The following EPS8 variants were observed in gnomAD, a reference collection of about 807,000 sequenced individuals.
EPS8 encodes the protein epidermal growth factor receptor kinase substrate 8.
EPS8 carries 42 observed loss-of-function variants against 103.8 expected under a neutral mutation model. That is an observed-to-expected ratio of 0.40 (90% CI 0.32 to 0.52). The LOEUF (loss-of-function observed/expected upper bound fraction) is 0.52. Ranked by LOEUF, EPS8 falls within the 20% of genes least tolerant of loss-of-function variation. The pLI is 0.40. For synonymous variants in EPS8, 344 were observed against 344.6 expected, an observed-to-expected ratio of 1.00 and a Z score of 0.02; for missense variants, 969 against 1,005.1, an observed-to-expected ratio of 0.96 and a Z score of 0.49.
At chr12:15,699,894 G>A (rs372117585) in intron 1 of EPS8, among the ~76,000 whole-genome samples, 2 of 152,130 alleles carry the variant, frequency 1.3e-5, no homozygotes, top group Admixed American at 6.6e-5. Flanking sequence ...GGTGGCTCAC[G>A]CCTGTAATGC....
intron 1 of EPS8, among the ~76,000 whole-genome samples, chr12:15,740,935 G>A (rs1946815035): frequency 6.6e-6 from 1 of 152,118 alleles, no homozygotes; most frequent in African/African-American, 2.4e-5. Flanking sequence ...TTAAAAAATG[G>A]TGCTTTTAGT....
Position 15,733,951 on chromosome 12 carries a change from T to C in EPS8, c.-21-50979A>G, listed in dbSNP as rs1343634891. 6.6e-6 allele frequency among the ~76,000 whole-genome samples: 1 copy of C among 152,128 alleles called. No individual in the cohort carries two copies. The highest frequency in any genetic ancestry group is 1.9e-4 in the East Asian group (1 of 5,176). On this transcript the variant is annotated intron_variant, in intron 1 of 20. Transcript: ENST00000281172. This position sits in a 1 kb window ranked among gnomAD's most constrained non-coding sequence, Gnocchi z 4.8. ...TCAGCTCACTGCAGCCTTCACCTCCTGGACTCAAGTGATCCTCCCACCTCA... is the reference window on the plus strand; with the variant it reads ...TCAGCTCACTGCAGCCTTCACCTCCCGGACTCAAGTGATCCTCCCACCTCA...
At position 15,762,596 on chromosome 12, in the gene EPS8, A is replaced by G. The variant is rs1354285994; in HGVS notation, c.-22+26565T>C. 5.9e-5 allele frequency among the ~76,000 whole-genome samples: 9 copies of G among 152,214 alleles called. No homozygotes were observed. The highest frequency in any genetic ancestry group is 5.9e-4 in the Admixed American group (9 of 15,268). On this transcript the variant is annotated intron_variant, in intron 1 of 20. Coordinates refer to ENST00000281172, the MANE Select transcript of EPS8 (RefSeq NM_004447.6). The surrounding 1 kb of genome is among the most constrained non-coding windows in gnomAD (Gnocchi z 4.8). ...TGGTACTTATACACAATGGAGTACTATTCATAAAATGAATCCTGTCATTTG... is the reference window on the plus strand; with the variant it reads ...TGGTACTTATACACAATGGAGTACTGTTCATAAAATGAATCCTGTCATTTG...
intron 17 of EPS8, among the ~76,000 whole-genome samples, chr12:15,640,289 A>C (rs1379826048): frequency 6.6e-6 from 1 of 152,230 alleles, no homozygotes; most frequent in Non-Finnish European, 1.5e-5. Flanking sequence ...AGAACATTTA[A>C]GAGACTGAAA....
chr12:15,674,531 C>T (rs1163778453), intron 3 of EPS8, among the ~76,000 whole-genome samples: 2 of 152,150 alleles, frequency 1.3e-5, no homozygotes, highest in African/African-American at 2.4e-5. Flanking sequence ...CAGGCAACTA[C>T]AATCACAGCT....
rs1316968027 is a variant in EPS8, at chr12:15,784,487, A to G, written c.-22+4674T>C. ...GGTAAAATCCAAAAAAGCTGACAAA[A>G]TCAAATGCTAGCAAAGATGTGGGGC... is the stretch of plus-strand genomic sequence containing the variant. On this transcript the variant is annotated intron_variant, in intron 1 of 20. Transcript: ENST00000281172. This position sits in a 1 kb window ranked among gnomAD's most constrained non-coding sequence, Gnocchi z 4.0. 6.6e-6 allele frequency among the ~76,000 whole-genome samples: 1 copy of G among 152,172 alleles called. No individual in the cohort carries two copies. The highest frequency in any genetic ancestry group is 2.4e-5 in the African/African-American group (1 of 41,458).
At position 15,781,122 on chromosome 12, in the gene EPS8, T is replaced by C. The variant is rs1275182298; in HGVS notation, c.-22+8039A>G. Among the ~76,000 whole-genome samples the C allele has an allele frequency of 3.3e-5, 5 of 152,228 alleles. No individual in the cohort carries two copies. Among genetic ancestry groups the C allele is most frequent in the Admixed American group, 6.5e-5 (1 of 15,290 alleles). ...TCTAATTCCCCACAAATGTTTCTTT[T>C]TAAAAGATCCTCATTCTTTAAAACA... On this transcript the variant is annotated intron_variant, in intron 1 of 20. Transcript: ENST00000281172. This position sits in a 1 kb window ranked among gnomAD's most constrained non-coding sequence, Gnocchi z 4.1.
chr12:15,671,236 T>TA (rs1362674869), intron 3 of EPS8, among the ~76,000 whole-genome samples: 1 of 152,144 alleles, frequency 6.6e-6, no homozygotes, highest in Non-Finnish European at 1.5e-5. Context: ...GTCAGGGACC[T>TA]ACTGTTTGAC....
At position 15,717,580 on chromosome 12, in the gene EPS8, C is replaced by T. The variant is rs1946546620; in HGVS notation, c.-21-34608G>A. On this transcript the variant is annotated intron_variant, in intron 1 of 20. Coordinates refer to ENST00000281172, the MANE Select transcript of EPS8 (RefSeq NM_004447.6). This position sits in a 1 kb window ranked among gnomAD's most constrained non-coding sequence, Gnocchi z 4.3. Reference sequence around the variant, plus strand: ...CCAGCCTGGGTGACAGCACGAGACTCCATCTCAAAAAAAAAGAAAGAAAGA... The same window carrying T: ...CCAGCCTGGGTGACAGCACGAGACTTCATCTCAAAAAAAAAGAAAGAAAGA... Among the ~76,000 whole-genome samples, 4 of 151,594 alleles carry T rather than the reference C, an allele frequency of 2.6e-5. No homozygotes were observed. Among genetic ancestry groups the T allele is most frequent in the African/African-American group, 9.7e-5 (4 of 41,212 alleles).
At chr12:15,710,257 C>G (rs541489320) in intron 1 of EPS8, among the ~76,000 whole-genome samples, 2 of 152,294 alleles carry the variant, frequency 1.3e-5, no homozygotes, top group African/African-American at 4.8e-5. Context: ...AATGAGTTGT[C>G]AGAGAGTTGT....
intron 1 of EPS8, among the ~76,000 whole-genome samples, chr12:15,763,929 T>A (rs1440754356): frequency 6.6e-6 from 1 of 152,190 alleles, no homozygotes; most frequent in Non-Finnish European, 1.5e-5. Flanking sequence ...TATGACTAGT[T>A]TTTCATTCAC....
intron 1 of EPS8, among the ~76,000 whole-genome samples, chr12:15,719,878 T>A (rs1946575661): frequency 6.6e-6 from 1 of 152,226 alleles, no homozygotes. Flanking sequence ...CATGGGGCTA[T>A]GAAAAACAGA....
At position 15,784,570 on chromosome 12, in the gene EPS8, C is replaced by T. The variant is rs1947291352; in HGVS notation, c.-22+4591G>A. Among the ~76,000 whole-genome samples, 1 of 152,142 alleles carries T rather than the reference C, an allele frequency of 6.6e-6. No individual in the cohort carries two copies. Among genetic ancestry groups the T allele is most frequent in the Non-Finnish European group, 1.5e-5 (1 of 67,982 alleles). On this transcript the variant is annotated intron_variant, in intron 1 of 20. Coordinates refer to ENST00000281172, the MANE Select transcript of EPS8 (RefSeq NM_004447.6). The surrounding 1 kb of genome is among the most constrained non-coding windows in gnomAD (Gnocchi z 4.0). ...GTAATAGTACAGCCACTTCGGAAAA[C>T]AGTTTGGCAATTTCTTACAAAGCTA...
chr12:15,624,559 A>C, intron 18 of EPS8, 152 bp from the exon 19 acceptor site: 1 of 546,588 alleles, frequency 1.8e-6, no homozygotes, highest in Non-Finnish European at 3.1e-6. Flanking sequence ...GCCTGGTATA[A>C]ATGCCATGAT....
At chr12:15,649,930 A>C (rs1231774980) in intron 14 of EPS8, among the ~76,000 whole-genome samples, 5 of 152,196 alleles carry the variant, frequency 3.3e-5, no homozygotes, top group African/African-American at 4.8e-5. Flanking sequence ...GGGAAGATCT[A>C]GTCATCATTT....
intron 13 of EPS8, among the ~76,000 whole-genome samples, chr12:15,652,718 A>G (rs919154908): frequency 2.6e-5 from 4 of 152,206 alleles, no homozygotes; most frequent in African/African-American, 9.6e-5. Context: ...TTTCAATTTA[A>G]AAGCAACAAC....
At chr12:15,783,725 A>G (rs979359394) in intron 1 of EPS8, among the ~76,000 whole-genome samples, 385 of 151,794 alleles carry the variant, frequency 2.5e-3, no homozygotes, top group African/African-American at 8.7e-3. Flanking sequence ...TAAAAAAAAA[A>G]AAAAAAAAAA....
At chr12:15,650,372 C>T (rs2135784437) in intron 14 of EPS8, among the ~76,000 whole-genome samples, 1 of 152,204 alleles carries the variant, frequency 6.6e-6, no homozygotes, top group South Asian at 2.1e-4. Context: ...AATTAATTAA[C>T]TGGGGGAATT....
Position 15,778,844 on chromosome 12 carries a change from T to C in EPS8, c.-22+10317A>G, listed in dbSNP as rs931903956. On this transcript the variant is annotated intron_variant, in intron 1 of 20. Transcript: ENST00000281172. The surrounding 1 kb of genome is among the most constrained non-coding windows in gnomAD (Gnocchi z 4.5). ...TCCATATATGAAAGAAACTATCAAA[T>C]GCAGAGTTTGCATGCCCAGGCAGAA... Among the ~76,000 whole-genome samples, 5 of 152,220 alleles carry C rather than the reference T, an allele frequency of 3.3e-5. No homozygotes were observed. The highest frequency in any genetic ancestry group is 1.2e-4 in the African/African-American group (5 of 41,458).
Sources: gnomAD v4.1 joint callset for allele counts (sites outside exome capture counted in the v4.1 genomes callset) on GRCh38, gnomAD v4.1.1 for gene constraint, Gnocchi (gnomAD v3.1) non-coding constraint, MANE v1.5 for transcripts, NCBI Gene and HGNC (gene_info 2026-07-23, HGNC 2026-07-21) for gene names.